Variants in MYH16 observed in about 807,000 individuals in gnomAD.
MYH16 encodes the protein putative uncharacterized protein MYH16.
chr7:99,303,144 G>T (rs1168090407), exon 39 of MYH16: 1 of 152,738 alleles, frequency 6.5e-6, no homozygotes, highest in Non-Finnish European at 1.5e-5. Context: ...GAGCTCATCA[G>T]TGAGTTCCGC....
intron 9 of MYH16, among the ~76,000 whole-genome samples, chr7:99,256,531 T>G (rs1039773152): frequency 1.3e-5 from 2 of 152,000 alleles, no homozygotes; most frequent in African/African-American, 4.8e-5. Context: ...CCCAGCACTT[T>G]GGGAGGCCAA....
chr7:99,307,968 C>T (rs533727188), downstream of MYH16, among the ~76,000 whole-genome samples: 212 of 152,154 alleles, frequency 1.4e-3, 1 homozygote, highest in Admixed American at 3.7e-3. Flanking sequence ...CCTGCCTCAG[C>T]CTCCCAAAGT....
intron 20 of MYH16, among the ~76,000 whole-genome samples, chr7:99,276,916 C>T (rs987908612): frequency 1.3e-5 from 2 of 150,844 alleles, no homozygotes; most frequent in African/African-American, 4.9e-5. Context: ...ATAAGAGAGA[C>T]AGAGATGAGA....
chr7:99,256,267 C>T (rs1424330747), intron 9 of MYH16, among the ~76,000 whole-genome samples: 1 of 110,614 alleles, frequency 9.0e-6, no homozygotes, highest in East Asian at 2.5e-4. Context: ...ACTAAGATCC[C>T]GTCTCTGCAA....
rs1792374862 is a variant in MYH16 at position 99,291,467 on chromosome 7, G to T, written n.3952+17G>T. On this transcript the variant is annotated intron_variant and non_coding_transcript_variant, in intron 31 of 41. Coordinates refer to ENST00000439784, the Ensembl canonical transcript of MYH16. Reference sequence around the variant, plus strand: ...GAGTCAAAGGTTTGTTTGGACGTGGGGTTGCGGTGGAGACAGAGCTGCCGC... The same window carrying T: ...GAGTCAAAGGTTTGTTTGGACGTGGTGTTGCGGTGGAGACAGAGCTGCCGC... 1 of 456,094 alleles carries T rather than the reference G, an allele frequency of 2.2e-6. No individual in the cohort carries two copies. The highest frequency in any genetic ancestry group is 2.4e-5 in the Admixed American group (1 of 42,482). The allele number at this position is 456,094 out of a possible 1,614,324, so 28.3% of individuals were successfully genotyped here.
chr7:99,310,021 AAAAAT>A (rs1792738347), downstream of MYH16, among the ~76,000 whole-genome samples: 1 of 152,184 alleles, frequency 6.6e-6, no homozygotes, highest in Non-Finnish European at 1.5e-5. Context: ...CCGTCTCCAG[AAAAAT>A]AAAAAAATAA....
chr7:99,247,997 A>G (rs910103541), intron 3 of MYH16, among the ~76,000 whole-genome samples: 3 of 152,358 alleles, frequency 2.0e-5, no homozygotes, highest in Non-Finnish European at 1.5e-5. Flanking sequence ...AAGTTTCACA[A>G]ACCCGTGGGA....
At chr7:99,292,789 C>T (rs1029894766) in intron 32 of MYH16, among the ~76,000 whole-genome samples, 5 of 152,078 alleles carry the variant, frequency 3.3e-5, no homozygotes, top group African/African-American at 1.2e-4. Flanking sequence ...GTGAGATCCT[C>T]ATCTCTACAA....
At position 99,302,858 on chromosome 7, in the gene MYH16, G is replaced by A. The variant is rs143440561; in HGVS notation, n.5138-207G>A. On this transcript the variant is annotated intron_variant and non_coding_transcript_variant, in intron 38 of 41. Coordinates refer to ENST00000439784, the Ensembl canonical transcript of MYH16. ...ATTGCACAACTGCATAATCCAGCCT[G>A]AGTAACAGAGCAAGATCCTGCCTAA... Among the ~76,000 whole-genome samples the A allele has an allele frequency of 1.1e-4, 16 of 149,380 alleles. No individual in the cohort carries two copies. The East Asian group carries it at 2.9e-3, about 27-fold the overall frequency.
At chr7:99,297,624 T>A (rs1792520373) in intron 34 of MYH16, 36 bp from the exon 16 acceptor site, 1 of 448,208 alleles carries the variant, frequency 2.2e-6, no homozygotes, top group Non-Finnish European at 4.5e-6. Context: ...GACCCTGGAA[T>A]GCCGAGTCTT....
intron 39 of MYH16, among the ~76,000 whole-genome samples, chr7:99,304,004 G>A (rs771177372): frequency 3.3e-5 from 5 of 152,028 alleles, no homozygotes; most frequent in Non-Finnish European, 7.4e-5. Flanking sequence ...CTCGAGTGGT[G>A]GGTTCTGTTT....
At chr7:99,259,781 C>T (rs1034006989) in intron 11 of MYH16, among the ~76,000 whole-genome samples, 2 of 145,078 alleles carry the variant, frequency 1.4e-5, no homozygotes, top group South Asian at 2.1e-4. Context: ...CATATATACA[C>T]GTATATTGTA....
In MYH16 at chr7:99,297,891, G is replaced by C. The variant is rs541323160; in HGVS notation, n.4637-1G>C. On this transcript the variant is annotated splice_acceptor_variant and non_coding_transcript_variant, in intron 35 of 41. Coordinates refer to ENST00000439784, the Ensembl canonical transcript of MYH16. ...AAGACTCATGGTTATATTTCTGGTA[G>C]GTTGAAGAGAGCAAGGTGATTCGAA... 108 of 456,616 alleles carry C rather than the reference G, an allele frequency of 2.4e-4. 2 individuals carry two copies. Among genetic ancestry groups the C allele is most frequent in the South Asian group, 1.6e-3 (105 of 64,578 alleles). 28.3% of individuals were successfully genotyped at this position (456,616 alleles called of 1,614,324 possible).
intron 33 of MYH16, among the ~76,000 whole-genome samples, chr7:99,294,539 A>G (rs9719858): frequency 8.5e-6 from 1 of 117,570 alleles, no homozygotes; most frequent in Non-Finnish European, 1.5e-5. Flanking sequence ...AAGAAAAAGA[A>G]AAAAAGAAAA....
chr7:99,272,373 C>A (rs1456028502), intron 19 of MYH16, among the ~76,000 whole-genome samples: 1 of 152,102 alleles, frequency 6.6e-6, no homozygotes, highest in Non-Finnish European at 1.5e-5. Flanking sequence ...TAGAACTCAG[C>A]AATTCTCACT....
chr7:99,241,854 C>T (rs368197343), intron 1 of MYH16, among the ~76,000 whole-genome samples: 7 of 112,582 alleles, frequency 6.2e-5, no homozygotes, highest in South Asian at 5.9e-4. Context: ...TAAGAGCTGG[C>T]ACTAGTTTTT....
intron 20 of MYH16, among the ~76,000 whole-genome samples, chr7:99,277,318 G>A (rs993531353): frequency 6.6e-5 from 10 of 152,166 alleles, no homozygotes; most frequent in African/African-American, 1.7e-4. Context: ...TGTCCTAGGG[G>A]AGGATGGGCC....
At chr7:99,297,724 GT>G (rs762974486) in exon 35 of MYH16, 123 of 456,546 alleles carry the variant, frequency 2.7e-4, no homozygotes, top group Non-Finnish European at 4.5e-4. Flanking sequence ...AACTGCAGAA[GT>G]TGAAGAAAAA....
chr7:99,273,476 G>C, intron 20 of MYH16, 53 bp downstream of exon 2: 2 of 455,728 alleles, frequency 4.4e-6, no homozygotes, highest in Non-Finnish European at 8.8e-6. Context: ...ATGGGCTGGG[G>C]GAGGGCTTGA....
Sources: allele counts gnomAD v4.1 joint callset (sites outside exome capture counted in the v4.1 genomes callset), GRCh38; gene constraint gnomAD v4.1.1; transcripts MANE v1.5; gene names NCBI Gene and HGNC (gene_info 2026-07-23, HGNC 2026-07-21).